AKAP13: variants seen among roughly 807,000 people sequenced by gnomAD.
The protein encoded by AKAP13 is A-kinase anchoring protein 13.
Under a neutral mutation model 264.5 loss-of-function variants are expected in AKAP13, and 80 were observed. That is an observed-to-expected ratio of 0.30 (90% CI 0.25 to 0.36). The LOEUF (loss-of-function observed/expected upper bound fraction) is 0.36, where lower values mean the gene tolerates loss of function less well. Ranked by LOEUF, AKAP13 falls within the 10% of genes least tolerant of loss-of-function variation. The pLI, the probability that AKAP13 is intolerant of heterozygous loss-of-function variation, is 1.00. For missense variants in AKAP13, 3,712 were observed against 3,435.2 expected, an observed-to-expected ratio of 1.08 and a Z score of -2.01; for synonymous variants, 1,380 against 1,250.2, an observed-to-expected ratio of 1.10 and a Z score of -2.19.
At chr15:85,407,194 A>AGATGAGG (rs1175369424) in intron 1 of AKAP13, among the ~76,000 whole-genome samples, 1 of 150,782 alleles carries the variant, frequency 6.6e-6, no homozygotes, top group Non-Finnish European at 1.5e-5. Context: ...TAAGGAACAC[A>AGATGAGG]GATGAGGGAT....
At chr15:85,722,972 C>T (rs903032781) in intron 25 of AKAP13, 100 bp from the exon 26 acceptor site, 22 of 1,474,770 alleles carry the variant, frequency 1.5e-5, no homozygotes, top group Non-Finnish European at 1.6e-5. Context: ...AGCATAGTCA[C>T]AAAGGGAAAA....
intron 13 of AKAP13, among the ~76,000 whole-genome samples, chr15:85,665,258 C>T (rs374102585): frequency 6.6e-6 from 1 of 152,098 alleles, no homozygotes; most frequent in African/African-American, 2.4e-5. Flanking sequence ...TTTAAATATT[C>T]CATCAAGGCA....
chr15:85,404,293 G>A (rs968981563), intron 1 of AKAP13, among the ~76,000 whole-genome samples: 4 of 152,256 alleles, frequency 2.6e-5, no homozygotes, highest in South Asian at 2.1e-4. Context: ...AGTTTTGGTC[G>A]TATCACTGCC....
rs3169121 is a variant in AKAP13 at position 85,748,317 on chromosome 15, T to G, written c.*3640T>G. 46,962 of 152,120 alleles carry G rather than the reference T, an allele frequency of 0.31. 7,877 individuals are homozygous for G. Among genetic ancestry groups the G allele is most frequent in the East Asian group, 0.56 (2,865 of 5,150 alleles). 9.4% of individuals were successfully genotyped at this position (152,120 alleles called of 1,614,324 possible). A position where few individuals can be genotyped will look rare whatever the true frequency, so the allele number is the denominator to read the frequency against. The stretch of plus-strand genomic sequence containing the variant: ...GGTGACCCCAGACACTGCAGAACGA[T>G]GTGCACCCTCTGCGTTTTGGATGTC... On this transcript the variant is annotated 3_prime_UTR_variant, in exon 37 of 37. Coordinates refer to ENST00000394518, the MANE Select transcript of AKAP13 (RefSeq NM_007200.5).
chr15:85,442,460 TATAC>T (rs1954925849), intron 1 of AKAP13, among the ~76,000 whole-genome samples: 1 of 121,256 alleles, frequency 8.2e-6, no homozygotes, highest in Non-Finnish European at 1.7e-5. Flanking sequence ...ACATATATAA[TATAC>T]ATAATATATA....
At chr15:85,654,920 A>T (rs1054037120) in intron 10 of AKAP13, among the ~76,000 whole-genome samples, 7 of 151,950 alleles carry the variant, frequency 4.6e-5, no homozygotes, top group Non-Finnish European at 8.8e-5. Context: ...GGCCAGGCGC[A>T]GTGGCTCACG....
chr15:85,555,281 CTA>C lies in AKAP13; in HGVS notation c.662+11328_662+11329del, dbSNP rs557096405. ...TTGTAGAACTCATTAAGGTTGGACACTATTATGGTGATGTGGTTTTGAGAAGA... is the reference window on the plus strand; with the variant it reads ...TTGTAGAACTCATTAAGGTTGGACACTTATGGTGATGTGGTTTTGAGAAGA... On this transcript the variant is annotated intron_variant, in intron 5 of 36. Transcript: ENST00000394518. 37 of 213,124 alleles carry C rather than the reference CTA, an allele frequency of 1.7e-4. 1 individual carries two copies. In the East Asian group the frequency reaches 6.5e-3, roughly 37 times the overall value. The allele number at this position is 213,124 out of a possible 1,614,324, so 13.2% of individuals were successfully genotyped here. A position where few individuals can be genotyped will look rare whatever the true frequency, so the allele number is the denominator to read the frequency against.
At chr15:85,699,058 C>G (rs901810573) in intron 17 of AKAP13, among the ~76,000 whole-genome samples, 13 of 151,642 alleles carry the variant, frequency 8.6e-5, no homozygotes, top group African/African-American at 2.9e-4. Flanking sequence ...AGACAGAGCT[C>G]TCCAAGACAT....
chr15:85,726,688 T>C (rs190404311), intron 27 of AKAP13, among the ~76,000 whole-genome samples: 1 of 152,350 alleles, frequency 6.6e-6, no homozygotes, highest in East Asian at 1.9e-4. Context: ...CATCACAGTC[T>C]TCTTTTAGTG....
At chr15:85,629,373 G>GT (rs1464936785) in intron 8 of AKAP13, among the ~76,000 whole-genome samples, 1 of 152,094 alleles carries the variant, frequency 6.6e-6, no homozygotes, top group East Asian at 1.9e-4. Context: ...TTGGCCTCAG[G>GT]TTTTTTATGG....
intron 1 of AKAP13, among the ~76,000 whole-genome samples, chr15:85,437,837 A>G (rs1055518867): frequency 3.3e-5 from 5 of 152,054 alleles, no homozygotes; most frequent in Admixed American, 6.6e-5. Flanking sequence ...AGAGCTATCT[A>G]TGACAGACCC....
chr15:85,660,558 AT>A (rs2083298412), intron 12 of AKAP13, among the ~76,000 whole-genome samples: 1 of 152,116 alleles, frequency 6.6e-6, no homozygotes, highest in South Asian at 2.1e-4. Flanking sequence ...GATTTGCCAC[AT>A]TCTGTTTCTA....
At chr15:85,624,828 G>A (rs1023456531) in intron 8 of AKAP13, among the ~76,000 whole-genome samples, 4 of 152,190 alleles carry the variant, frequency 2.6e-5, no homozygotes, top group African/African-American at 4.8e-5. Context: ...TGACTGATGG[G>A]AACACATTGT....
intron 8 of AKAP13, among the ~76,000 whole-genome samples, chr15:85,634,840 C>CT (rs34893286): frequency 0.21 from 30,162 of 142,796 alleles, 3,856 homozygotes; most frequent in Middle Eastern, 0.42. Context: ...TTGAGTCTGG[C>CT]TTTTTTTTTT....
intron 1 of AKAP13, among the ~76,000 whole-genome samples, chr15:85,477,653 A>G (rs1483993691): frequency 1.3e-5 from 2 of 151,654 alleles, no homozygotes; most frequent in Non-Finnish European, 2.9e-5. Context: ...AAAAAAAAAA[A>G]AAAAAGGCAG....
At chr15:85,477,897 C>T (rs751298855) in intron 1 of AKAP13, among the ~76,000 whole-genome samples, 2 of 152,116 alleles carry the variant, frequency 1.3e-5, no homozygotes, top group South Asian at 2.1e-4. Flanking sequence ...CGATCCCCTG[C>T]GTGCACTTCC....
chr15:85,581,829 G>T lies in AKAP13; in HGVS notation c.3761G>T (p.Arg1254Leu). 1 of 1,614,194 alleles carries T rather than the reference G, an allele frequency of 6.2e-7. No individual in the cohort carries two copies. Among genetic ancestry groups the T allele is most frequent in the Middle Eastern group, 1.6e-4 (1 of 6,062 alleles). Residue 1254 changes from arginine to leucine, a missense_variant, in exon 7 of 37, where the codon CGT (arginine) becomes CTT (leucine). Arg to Leu is a moderately radical substitution (Grantham distance 102). This residue lies in a region of AKAP13 where 2,759 missense variants were observed against 2,411.7 expected (regional missense o/e 1.14). Transcript: ENST00000394518. ...GACTTGATAGAGGAGGCTGCCAGCC[G>T]TATAGTGGATGCTGTCATCGAACAA... Reference protein sequence around the residue: ...GADLIEEAASRIVDAVIEQVK... With the variant: ...GADLIEEAASLIVDAVIEQVK...
chr15:85,606,335 C>G (rs2080337709), intron 8 of AKAP13, among the ~76,000 whole-genome samples: 1 of 152,052 alleles, frequency 6.6e-6, no homozygotes. Flanking sequence ...CACCTGACCT[C>G]AGGTGGTCCG....
intron 1 of AKAP13, among the ~76,000 whole-genome samples, chr15:85,459,336 C>A (rs944146337): frequency 6.6e-6 from 1 of 151,660 alleles, no homozygotes; most frequent in African/African-American, 2.4e-5. Context: ...CAGGTGCCCG[C>A]CACCACGCCC....
Sources: allele counts gnomAD v4.1 joint callset (sites outside exome capture counted in the v4.1 genomes callset), GRCh38; gene constraint gnomAD v4.1.1; regional missense constraint gnomAD v4.1.1; transcripts MANE v1.5; gene names NCBI Gene and HGNC (gene_info 2026-07-23, HGNC 2026-07-21).